Variants in TRAPPC9 observed in about 807,000 individuals in gnomAD.
TRAPPC9 encodes IKK2 binding protein.
A neutral mutation model predicts 124.0 loss-of-function variants in TRAPPC9; 83 were observed. The ratio of observed to expected loss-of-function variants is 0.67; its 90% CI spans 0.56 to 0.80. The LOEUF (loss-of-function observed/expected upper bound fraction) is 0.80, where lower values mean the gene tolerates loss of function less well. Among genes scored for constraint, TRAPPC9 ranks in the 30% least tolerant of loss-of-function variants. The pLI is 0.00. For synonymous variants in TRAPPC9, 638 were observed against 617.5 expected (o/e 1.03, Z -0.49); for missense variants, 1,302 against 1,508.3 (o/e 0.86, Z 2.27).
intron 15 of TRAPPC9, among the ~76,000 whole-genome samples, chr8:140,269,989 A>C (rs1218671231): frequency 6.6e-6 from 1 of 151,976 alleles, no homozygotes; most frequent in Non-Finnish European, 1.5e-5. Context: ...AATCCCAGTT[A>C]CTCAGGAGGC....
intron 17 of TRAPPC9, among the ~76,000 whole-genome samples, chr8:140,175,487 C>A (rs1304834349): frequency 6.6e-6 from 1 of 152,064 alleles, no homozygotes; most frequent in African/African-American, 2.4e-5. Flanking sequence ...TGAATCACAG[C>A]CTCAAACAAA....
intron 17 of TRAPPC9, among the ~76,000 whole-genome samples, chr8:140,206,944 G>A (rs1344731321): frequency 3.9e-5 from 6 of 152,208 alleles, no homozygotes; most frequent in South Asian, 2.1e-4. Context: ...AGTCTGCTAC[G>A]CATGGGGAAA....
At chr8:139,946,386 T>C (rs1379507519) in intron 19 of TRAPPC9, among the ~76,000 whole-genome samples, 1 of 152,186 alleles carries the variant, frequency 6.6e-6, no homozygotes, top group East Asian at 1.9e-4. Context: ...CCAGGTGTGT[T>C]AGAAGCCCTC....
At chr8:140,404,906 ATGCGTGTG>A (rs1564002443) in intron 6 of TRAPPC9, among the ~76,000 whole-genome samples, 47 of 59,722 alleles carry the variant, frequency 7.9e-4, no homozygotes, top group Middle Eastern at 0.014. Flanking sequence ...GTGTGTGAGC[ATGCGTGTG>A]TGTGTGTGTG....
At chr8:140,340,444 C>A (rs576293766) in intron 9 of TRAPPC9, among the ~76,000 whole-genome samples, 53 of 152,252 alleles carry the variant, frequency 3.5e-4, no homozygotes, top group African/African-American at 1.3e-3. Context: ...AACTGTACAG[C>A]CTCACCCGGG....
chr8:140,400,724 C>A (rs1204615428), intron 6 of TRAPPC9, among the ~76,000 whole-genome samples: 1 of 152,078 alleles, frequency 6.6e-6, no homozygotes, highest in Non-Finnish European at 1.5e-5. Context: ...GCCATCCCCA[C>A]CCCCTCTTAC....
Position 140,042,200 on chromosome 8 carries a change from A to AGTGT in TRAPPC9, c.2557-18125_2557-18122dup, listed in dbSNP as rs1375063495. 2.6e-3 allele frequency among the ~76,000 whole-genome samples: 235 copies of AGTGT among 90,932 alleles called. 1 individual carries two copies. The highest frequency in any genetic ancestry group is 0.011 in the African/African-American group (225 of 20,618). 59.7% of individuals were successfully genotyped at this position (90,932 alleles called of 152,430 possible). On this transcript the variant is annotated intron_variant, in intron 17 of 22. Coordinates refer to ENST00000438773, the MANE Select transcript of TRAPPC9 (RefSeq NM_001160372.4). ...TAAAGTCTGCAACTTAGCCCAAAAA[A>AGTGT]GTGTATGTGTGTGTGTGTGTGTGTG... is the stretch of plus-strand genomic sequence containing the variant.
intron 17 of TRAPPC9, among the ~76,000 whole-genome samples, chr8:140,114,631 G>T (rs1211926323): frequency 2.6e-5 from 4 of 152,258 alleles, no homozygotes; most frequent in Non-Finnish European, 1.5e-5. Context: ...TTAGGCCCTG[G>T]GTCCTTACAT....
chr8:140,342,777 C>T (rs2067230453), intron 9 of TRAPPC9, among the ~76,000 whole-genome samples: 1 of 152,132 alleles, frequency 6.6e-6, no homozygotes, highest in African/African-American at 2.4e-5. Context: ...AATATATATA[C>T]ATATATCCTT....
chr8:139,913,242 G>C (rs1831871005), intron 19 of TRAPPC9, among the ~76,000 whole-genome samples: 1 of 152,242 alleles, frequency 6.6e-6, no homozygotes, highest in Non-Finnish European at 1.5e-5. Context: ...GAAAAGGGAA[G>C]AAAACAAAAT....
At chr8:140,212,584 T>G (rs1035006873) in intron 17 of TRAPPC9, among the ~76,000 whole-genome samples, 8 of 152,194 alleles carry the variant, frequency 5.3e-5, no homozygotes, top group Non-Finnish European at 1.0e-4. Flanking sequence ...CATGATCTCT[T>G]TGCCTGGTTT....
intron 18 of TRAPPC9, among the ~76,000 whole-genome samples, chr8:140,017,047 T>C (rs539862643): frequency 5.9e-5 from 9 of 152,236 alleles, no homozygotes; most frequent in Non-Finnish European, 1.3e-4. Context: ...TTAATAATGT[T>C]GAACACTTTT....
At chr8:140,075,004 A>G (rs894660540) in intron 17 of TRAPPC9, among the ~76,000 whole-genome samples, 1 of 152,092 alleles carries the variant, frequency 6.6e-6, no homozygotes, top group African/African-American at 2.4e-5. Flanking sequence ...CACTTGCCCA[A>G]TGTCAGCCTT....
intron 19 of TRAPPC9, among the ~76,000 whole-genome samples, chr8:139,971,177 A>G (rs1178132891): frequency 3.9e-5 from 6 of 151,916 alleles, no homozygotes; most frequent in Admixed American, 2.6e-4. Context: ...CAAAAGGCCA[A>G]TCTGATGGCA....
chr8:139,910,221 TGGG>T lies in TRAPPC9; in HGVS notation c.2887_2889del (p.Pro963del). 1.2e-6 allele frequency: 2 copies of T among 1,614,128 alleles called. No individual in the cohort carries two copies. Among genetic ancestry groups the T allele is most frequent in the Non-Finnish European group, 1.7e-6 (2 of 1,180,026 alleles). On this transcript the variant is annotated inframe_deletion, in exon 20 of 23. Coordinates refer to ENST00000438773, the MANE Select transcript of TRAPPC9 (RefSeq NM_001160372.4). ...TCCCGCCGCTCTTCCTCCAGCTGCT[TGGG>T]GTTTGCAAATTGCCCCTTCTCCCCA... is the stretch of plus-strand genomic sequence containing the variant.
intron 21 of TRAPPC9, among the ~76,000 whole-genome samples, chr8:139,747,969 C>A (rs1819039684): frequency 2.0e-5 from 1 of 50,148 alleles, no homozygotes; most frequent in Non-Finnish European, 3.4e-5. Context: ...GGGAGGTGTG[C>A]AGGGATCAGA....
At chr8:140,409,424 C>T (rs1341814141) in intron 5 of TRAPPC9, among the ~76,000 whole-genome samples, 1 of 152,140 alleles carries the variant, frequency 6.6e-6, no homozygotes, top group African/African-American at 2.4e-5. Flanking sequence ...TTTATGTTTA[C>T]TTTTTGACCC....
At chr8:139,968,022 T>A (rs1413134256) in intron 19 of TRAPPC9, among the ~76,000 whole-genome samples, 2 of 151,600 alleles carry the variant, frequency 1.3e-5, no homozygotes, top group Admixed American at 6.6e-5. Context: ...GCACCTGTAA[T>A]CCCAGCTACT....
chr8:139,865,992 A>G (rs1828508071), intron 21 of TRAPPC9, among the ~76,000 whole-genome samples: 1 of 148,910 alleles, frequency 6.7e-6, no homozygotes, highest in Non-Finnish European at 1.5e-5. Context: ...CCAAAAAGGC[A>G]TGACAATTCC....
Sources: gnomAD v4.1 joint callset for allele counts (sites outside exome capture counted in the v4.1 genomes callset) on GRCh38, gnomAD v4.1.1 for gene constraint, MANE v1.5 for transcripts, NCBI Gene and HGNC (gene_info 2026-07-23, HGNC 2026-07-21) for gene names.